Variants in KIAA1549L observed in about 807,000 individuals in gnomAD.
KIAA1549L encodes the protein UPF0606 protein KIAA1549L.
Under a neutral mutation model 160.7 loss-of-function variants are expected in KIAA1549L, and 88 were observed. The ratio of observed to expected loss-of-function variants is 0.55; its 90% CI spans 0.46 to 0.65. The LOEUF (loss-of-function observed/expected upper bound fraction) is 0.65. Among genes scored for constraint, KIAA1549L ranks in the 30% least tolerant of loss-of-function variants. The probability of loss-of-function intolerance (pLI) is 0.00; values close to 1 mark genes in which losing one functional copy is unlikely to be tolerated. For missense variants in KIAA1549L, 2,258 were observed against 2,437.5 expected, an observed-to-expected ratio of 0.93 and a Z score of 1.55; for synonymous variants, 950 against 976.7, an observed-to-expected ratio of 0.97 and a Z score of 0.51.
intron 20 of KIAA1549L, 103 bp downstream of exon 20, chr11:33,661,117 T>G: frequency 1.7e-6 from 2 of 1,151,996 alleles, no homozygotes; most frequent in Non-Finnish European, 2.4e-6. Context: ...TATCTCAGCC[T>G]CCTCACAGTA....
chr11:33,568,254 T>C, intron 9 of KIAA1549L, 27 bp downstream of exon 9: 1 of 1,583,934 alleles, frequency 6.3e-7, no homozygotes, highest in Non-Finnish European at 8.6e-7. Context: ...CCACTGGGGT[T>C]TTCTAATAAC....
intron 1 of KIAA1549L, among the ~76,000 whole-genome samples, chr11:33,422,196 T>G (rs969680909): frequency 6.6e-6 from 1 of 152,116 alleles, no homozygotes; most frequent in African/African-American, 2.4e-5. Flanking sequence ...GGATCCACAC[T>G]TTCGATCTCT....
At chr11:33,658,122 G>T (rs1279940199) in intron 18 of KIAA1549L, among the ~76,000 whole-genome samples, 3 of 152,212 alleles carry the variant, frequency 2.0e-5, no homozygotes, top group African/African-American at 7.2e-5. Flanking sequence ...CTTCTTACAC[G>T]GCTTTCTGAG....
At position 33,527,416 on chromosome 11, in the gene KIAA1549L, C is replaced by T. The variant is rs147282513; in HGVS notation, c.239-14386C>T. On this transcript the variant is annotated intron_variant, in intron 1 of 20. Transcript: ENST00000658780. The stretch of plus-strand genomic sequence containing the variant: ...ATGTAGAGGAGTGAAACTGGATCCT[C>T]ATATCTCACCTATACAAAAATCAAC... Among the ~76,000 whole-genome samples, 8 of 152,236 alleles carry T rather than the reference C, an allele frequency of 5.3e-5. 1 individual carries two copies. The highest frequency in any genetic ancestry group is 2.1e-4 in the South Asian group (1 of 4,830).
intron 1 of KIAA1549L, among the ~76,000 whole-genome samples, chr11:33,476,320 CTG>C (rs1039411452): frequency 1.3e-5 from 2 of 152,154 alleles, no homozygotes; most frequent in African/African-American, 4.8e-5. Flanking sequence ...CCATCTCTCT[CTG>C]TGGTCAGCCC....
chr11:33,631,279 C>T (rs188724333), intron 16 of KIAA1549L, among the ~76,000 whole-genome samples: 17 of 146,956 alleles, frequency 1.2e-4, no homozygotes, highest in African/African-American at 4.1e-4. Context: ...CTAGCTGACG[C>T]GTGTTACTCC....
intron 16 of KIAA1549L, among the ~76,000 whole-genome samples, chr11:33,629,038 C>T (rs572715138): frequency 0.012 from 1,810 of 151,448 alleles, 16 homozygotes; most frequent in Non-Finnish European, 0.02. Flanking sequence ...TTCTCCTTCA[C>T]TTACGAAGCT....
intron 1 of KIAA1549L, among the ~76,000 whole-genome samples, chr11:33,490,324 CTTT>C (rs776660658): frequency 6.6e-5 from 9 of 135,602 alleles, no homozygotes; most frequent in Admixed American, 1.5e-4. Context: ...TACTTTACCT[CTTT>C]TTTTTTTTTT....
At chr11:33,432,420 G>A (rs1283920791) in intron 1 of KIAA1549L, among the ~76,000 whole-genome samples, 1 of 152,144 alleles carries the variant, frequency 6.6e-6, no homozygotes, top group Non-Finnish European at 1.5e-5. Context: ...TACCAAATGG[G>A]TTTCTTAAAT....
intron 16 of KIAA1549L, among the ~76,000 whole-genome samples, chr11:33,634,259 T>G (rs2133381881): frequency 1.3e-5 from 2 of 149,342 alleles, no homozygotes; most frequent in Admixed American, 1.3e-4. Context: ...GGCAGGCTTA[T>G]CTGGAACTCC....
chr11:33,632,136 A>G (rs1851307858), intron 16 of KIAA1549L, among the ~76,000 whole-genome samples: 1 of 152,250 alleles, frequency 6.6e-6, no homozygotes, highest in Non-Finnish European at 1.5e-5. Context: ...AAACATGAAC[A>G]GGGTGAATTG....
intron 15 of KIAA1549L, among the ~76,000 whole-genome samples, chr11:33,617,789 G>GTGAATGGA (rs1850853158): frequency 6.7e-6 from 1 of 148,932 alleles, no homozygotes; most frequent in Non-Finnish European, 1.5e-5. Context: ...GGAAGCCTCG[G>GTGAATGGA]TGGATGGATG....
At chr11:33,604,843 G>A (rs1297680019) in intron 13 of KIAA1549L, among the ~76,000 whole-genome samples, 1 of 152,044 alleles carries the variant, frequency 6.6e-6, no homozygotes, top group African/African-American at 2.4e-5. Context: ...TACATATTGG[G>A]TACAGGATAC....
intron 12 of KIAA1549L, among the ~76,000 whole-genome samples, chr11:33,593,280 A>C (rs1016593927): frequency 6.6e-6 from 1 of 152,142 alleles, no homozygotes; most frequent in Non-Finnish European, 1.5e-5. Flanking sequence ...ATAAAATTAT[A>C]TAAAAAATAT....
chr11:33,638,891 GT>G (rs1330453203), intron 16 of KIAA1549L, among the ~76,000 whole-genome samples: 3 of 152,208 alleles, frequency 2.0e-5, no homozygotes, highest in African/African-American at 7.2e-5. Flanking sequence ...CTTTCCACGT[GT>G]TTATTGGACA....
At chr11:33,621,092 A>G (rs927623035) in intron 16 of KIAA1549L, among the ~76,000 whole-genome samples, 6 of 152,212 alleles carry the variant, frequency 3.9e-5, no homozygotes, top group African/African-American at 1.4e-4. Context: ...GCACTGGGAG[A>G]TTGATTTAAT....
chr11:33,668,201 G>T lies in KIAA1549L; in HGVS notation c.*47G>T. 6.4e-7 allele frequency: 1 copy of T among 1,566,026 alleles called. No individual in the cohort carries two copies. The highest frequency in any genetic ancestry group is 8.7e-7 in the Non-Finnish European group (1 of 1,150,048). Reference sequence around the variant, plus strand: ...TGGACTTCCAAACTCTGAGGACTCAGCCTTTGGGTTTCCCATGCCTACGTG... The same window carrying T: ...TGGACTTCCAAACTCTGAGGACTCATCCTTTGGGTTTCCCATGCCTACGTG... On this transcript the variant is annotated 3_prime_UTR_variant, in exon 21 of 21. Transcript: ENST00000658780.
At chr11:33,437,855 G>T (rs1037102409) in intron 1 of KIAA1549L, among the ~76,000 whole-genome samples, 1 of 152,178 alleles carries the variant, frequency 6.6e-6, no homozygotes, top group Non-Finnish European at 1.5e-5. Context: ...GATGTGGATG[G>T]AGAAGCACCT....
chr11:33,616,991 A>C (rs1415053817), intron 15 of KIAA1549L, among the ~76,000 whole-genome samples: 1 of 152,066 alleles, frequency 6.6e-6, no homozygotes, highest in Non-Finnish European at 1.5e-5. Context: ...TTACAAAAAA[A>C]TTAGCCTAGC....
Sources: allele counts gnomAD v4.1 joint callset (sites outside exome capture counted in the v4.1 genomes callset), GRCh38; gene constraint gnomAD v4.1.1; transcripts MANE v1.5; gene names NCBI Gene and HGNC (gene_info 2026-07-23, HGNC 2026-07-21).